The following GABBR2 variants were observed in gnomAD, a reference collection of about 807,000 sequenced individuals.
GABBR2 encodes the protein gamma-aminobutyric acid type B receptor subunit 2, also known as G-protein coupled receptor 51.
A neutral mutation model predicts 105.6 loss-of-function variants in GABBR2; 23 were observed. The ratio of observed to expected loss-of-function variants is 0.22; its 90% CI spans 0.16 to 0.31. The LOEUF is 0.31. GABBR2 is among the 10% of genes least tolerant of loss of function. The pLI is 1.00. For missense variants in GABBR2, 734 were observed against 1,245.5 expected (o/e 0.59, Z 6.18); for synonymous variants, 478 against 499.7 (o/e 0.96, Z 0.58).
chr9:98,405,132 G>C (rs746756313), intron 8 of GABBR2, among the ~76,000 whole-genome samples: 1 of 152,124 alleles, frequency 6.6e-6, no homozygotes, highest in Non-Finnish European at 1.5e-5. Context: ...AAAAAGGGGG[G>C]ATGGGGTGAG....
At chr9:98,375,980 A>T (rs1486446227) in intron 11 of GABBR2, among the ~76,000 whole-genome samples, 1 of 152,174 alleles carries the variant, frequency 6.6e-6, no homozygotes, top group Non-Finnish European at 1.5e-5. Flanking sequence ...CTAAAGTCTT[A>T]CGTGTGTTTA....
intron 7 of GABBR2, among the ~76,000 whole-genome samples, chr9:98,413,315 G>A (rs1024382496): frequency 2.6e-5 from 4 of 152,246 alleles, no homozygotes; most frequent in Admixed American, 6.5e-5. Flanking sequence ...TTGCATAAAG[G>A]GTGGAGATCT....
At chr9:98,456,052 C>A (rs1382621159) in intron 6 of GABBR2, among the ~76,000 whole-genome samples, 3 of 152,166 alleles carry the variant, frequency 2.0e-5, no homozygotes, top group African/African-American at 7.2e-5. Context: ...AAGAGACCAG[C>A]ATTTCTAGTC....
intron 1 of GABBR2, among the ~76,000 whole-genome samples, chr9:98,628,362 G>T (rs773532879): frequency 2.0e-5 from 3 of 152,142 alleles, no homozygotes; most frequent in Non-Finnish European, 4.4e-5. Flanking sequence ...TTAAAAGGCA[G>T]GGTAGCTAAT....
intron 13 of GABBR2, among the ~76,000 whole-genome samples, chr9:98,341,084 T>C (rs1276585224): frequency 6.6e-6 from 1 of 152,248 alleles, no homozygotes; most frequent in Non-Finnish European, 1.5e-5. Flanking sequence ...TGTGTCCTAA[T>C]GGGCCTCTGG....
intron 7 of GABBR2, among the ~76,000 whole-genome samples, chr9:98,438,490 T>C (rs997318108): frequency 6.6e-6 from 1 of 152,202 alleles, no homozygotes; most frequent in African/African-American, 2.4e-5. Flanking sequence ...GTCCAGGCCA[T>C]GTGCTAGAAA....
At position 98,297,182 on chromosome 9, in the gene GABBR2, C is replaced by T. The variant is rs76562183; in HGVS notation, c.2542+2042G>A. On this transcript the variant is annotated intron_variant, in intron 17 of 18. Coordinates refer to ENST00000259455, the MANE Select transcript of GABBR2 (RefSeq NM_005458.8). ...TTAAAATGCCCACTTTTACCAGATACGAAAGTTATTAGAAGTAATTTTTAT... is the reference window on the plus strand; with the variant it reads ...TTAAAATGCCCACTTTTACCAGATATGAAAGTTATTAGAAGTAATTTTTAT... Among the ~76,000 whole-genome samples, 725 of 152,178 alleles carry T rather than the reference C, an allele frequency of 4.8e-3. 43 individuals carry two copies. In the East Asian group the frequency reaches 0.12, roughly 25 times the overall value.
intron 8 of GABBR2, among the ~76,000 whole-genome samples, chr9:98,397,203 T>C (rs895096281): frequency 9.2e-5 from 14 of 152,308 alleles, no homozygotes; most frequent in Middle Eastern, 3.4e-3. Flanking sequence ...TATTTCATGA[T>C]AAAGCATCTC....
intron 3 of GABBR2, among the ~76,000 whole-genome samples, chr9:98,536,601 C>T (rs1316982894): frequency 1.3e-5 from 2 of 152,134 alleles, no homozygotes; most frequent in Non-Finnish European, 2.9e-5. Context: ...ACTCAGCACT[C>T]TGGCCTCTCA....
At chr9:98,670,485 T>C (rs1830394039) in intron 1 of GABBR2, among the ~76,000 whole-genome samples, 2 of 152,208 alleles carry the variant, frequency 1.3e-5, no homozygotes, top group Non-Finnish European at 2.9e-5. Flanking sequence ...TCTACGTATA[T>C]ACCCGCAAGA....
At chr9:98,591,669 G>A (rs561124255) in intron 1 of GABBR2, among the ~76,000 whole-genome samples, 110 of 152,312 alleles carry the variant, frequency 7.2e-4, no homozygotes, top group African/African-American at 2.5e-3. Flanking sequence ...CCTGTGAGGC[G>A]TGGGTTTGAC....
chr9:98,595,447 C>T (rs956679211), intron 1 of GABBR2, among the ~76,000 whole-genome samples: 2 of 149,660 alleles, frequency 1.3e-5, no homozygotes, highest in African/African-American at 5.0e-5. Context: ...GAGTGTGGGG[C>T]CTAGAGCCGG....
chr9:98,457,147 C>T (rs909290956), intron 6 of GABBR2, among the ~76,000 whole-genome samples: 3 of 152,230 alleles, frequency 2.0e-5, no homozygotes, highest in African/African-American at 7.2e-5. Context: ...AATGAGGCCC[C>T]TTTGACTTCT....
chr9:98,619,073 ATATAT>A (rs1409926428), intron 1 of GABBR2, among the ~76,000 whole-genome samples: 2 of 152,218 alleles, frequency 1.3e-5, no homozygotes, highest in African/African-American at 4.8e-5. Flanking sequence ...ATGAGCATAC[ATATAT>A]TAAGTTTAAA....
intron 6 of GABBR2, among the ~76,000 whole-genome samples, chr9:98,457,437 T>C (rs956494715): frequency 1.3e-5 from 2 of 152,226 alleles, no homozygotes; most frequent in African/African-American, 4.8e-5. Flanking sequence ...TTTTGTTTTG[T>C]TTTGTGGGAC....
chr9:98,570,086 C>T (rs1013982437), intron 2 of GABBR2, among the ~76,000 whole-genome samples: 8 of 152,306 alleles, frequency 5.3e-5, no homozygotes, highest in Non-Finnish European at 1.5e-5. Flanking sequence ...ACTCCATTGC[C>T]AATACCTCTA....
chr9:98,290,653 G>C lies in GABBR2; in HGVS notation c.2757C>G (p.Val919=). The part of the protein sequence containing the change: ...GVDASCVSPC[V]SPTASPRHRH... ...TGTGGCGGGGGCTGGCGGTGGGGCTGACGCAGGGGCTGACACAGCTGGCGT... is the reference window on the plus strand; with the variant it reads ...TGTGGCGGGGGCTGGCGGTGGGGCTCACGCAGGGGCTGACACAGCTGGCGT... The change falls in exon 19 of 19, where the codon GTC becomes GTG. Residue 919 remains valine, a synonymous_variant. Coordinates refer to ENST00000259455, the MANE Select transcript of GABBR2 (RefSeq NM_005458.8). 1 of 1,461,412 alleles carries C rather than the reference G, an allele frequency of 6.8e-7. No homozygotes were observed. Among genetic ancestry groups the C allele is most frequent in the Non-Finnish European group, 9.0e-7 (1 of 1,113,116 alleles). 90.5% of individuals were successfully genotyped at this position (1,461,412 alleles called of 1,614,324 possible). A position where few individuals can be genotyped will look rare whatever the true frequency, so the allele number is the denominator to read the frequency against.
intron 2 of GABBR2, among the ~76,000 whole-genome samples, chr9:98,568,037 A>T (rs1235513334): frequency 6.6e-6 from 1 of 152,168 alleles, no homozygotes; most frequent in African/African-American, 2.4e-5. Flanking sequence ...AATGAGTAAG[A>T]ACAGAACCTC....
intron 4 of GABBR2, chr9:98,496,165 GAT>G: frequency 1.9e-6 from 1 of 528,978 alleles, no homozygotes; most frequent in Non-Finnish European, 3.4e-6. Flanking sequence ...TGCGTTGAGA[GAT>G]ATAAAACCAT....
Sources: gnomAD v4.1 joint callset for allele counts (sites outside exome capture counted in the v4.1 genomes callset) on GRCh38, gnomAD v4.1.1 for gene constraint, MANE v1.5 for transcripts, NCBI Gene and HGNC (gene_info 2026-07-23, HGNC 2026-07-21) for gene names.